The following GJB2 variants were observed in gnomAD, a reference collection of about 807,000 sequenced individuals.
The protein encoded by GJB2 is gap junction beta-2 protein.
In GJB2, 30 loss-of-function variants were observed where a neutral mutation model predicts 16.0. The ratio of observed to expected loss-of-function variants is 1.88; its 90% CI spans 1.41 to 2.55. GJB2 has a LOEUF of 2.55. GJB2 is among the 30% of genes most tolerant of loss of function. The pLI, the probability that GJB2 is intolerant of heterozygous loss-of-function variation, is 0.00. For synonymous variants in GJB2, 123 were observed against 119.1 expected (o/e 1.03, Z -0.21); for missense variants, 284 against 289.7 (o/e 0.98, Z 0.14).
Position 20,188,801 on chromosome 13 carries a change from T to C in GJB2, c.*100A>G, listed in dbSNP as rs1959053920. 1.1e-6 allele frequency: 1 copy of C among 941,860 alleles called. No individual in the cohort carries two copies. Among genetic ancestry groups the C allele is most frequent in the East Asian group, 2.5e-5 (1 of 40,768 alleles). The allele number at this position is 941,860 out of a possible 1,614,324, so 58.3% of individuals were successfully genotyped here. ...TGGTTGCATTTAAGGTCAGAATCTT[T>C]GTGTTGGGAAATGCTAGCGACTGAG... On this transcript the variant is annotated 3_prime_UTR_variant, in exon 2 of 2. Coordinates refer to ENST00000382848, the MANE Select transcript of GJB2 (RefSeq NM_004004.6).
intron 1 of GJB2, 49 bp from the exon 2 acceptor site, chr13:20,189,652 A>G (rs1566529195): frequency 7.3e-7 from 1 of 1,362,378 alleles, no homozygotes; most frequent in Admixed American, 1.7e-5. Flanking sequence ...CTAGGACAGA[A>G]CAGGGAGACT....
Position 20,189,155 on chromosome 13 carries a change from G to A in GJB2, c.427C>T (p.Arg143Trp), listed in dbSNP as rs80338948. ...WWTYTSSIFF[R>W]VIFEAAFMYV... ...ATGAAGGCGGCTTCGAAGATGACCC[G>A]GAAGAAGATGCTGCTTGTGTAGGTC... Residue 143 changes from arginine to tryptophan, a missense_variant, in exon 2 of 2, where the codon CGG (arginine) becomes TGG (tryptophan). Transcript: ENST00000382848. 167 of 1,614,088 alleles carry A rather than the reference G, an allele frequency of 1.0e-4. No individual in the cohort carries two copies. The highest frequency in any genetic ancestry group is 9.1e-4 in the African/African-American group (68 of 75,036).
At position 20,192,813 on chromosome 13, in the gene GJB2, G is replaced by A. The variant is rs1262321731; in HGVS notation, c.-53C>T. On this transcript the variant is annotated 5_prime_UTR_variant, in exon 1 of 2. Coordinates refer to ENST00000382848, the MANE Select transcript of GJB2 (RefSeq NM_004004.6). ...TCGGGAGGAAGCGCGGCGGGGCCGGGGCGGGGGTCTCGGCGTTGGGGTCTC... is the reference window on the plus strand; with the variant it reads ...TCGGGAGGAAGCGCGGCGGGGCCGGAGCGGGGGTCTCGGCGTTGGGGTCTC... 6.5e-6 allele frequency: 1 copy of A among 153,336 alleles called. No homozygotes were observed. The highest frequency in any genetic ancestry group is 1.5e-5 in the Non-Finnish European group (1 of 68,532). 9.5% of individuals were successfully genotyped at this position (153,336 alleles called of 1,614,324 possible).
chr13:20,189,156 G>A lies in GJB2; in HGVS notation c.426C>T (p.Phe142=). ...LWWTYTSSIF[F]RVIFEAAFMY... ...TGAAGGCGGCTTCGAAGATGACCCGGAAGAAGATGCTGCTTGTGTAGGTCC... is the reference window on the plus strand; with the variant it reads ...TGAAGGCGGCTTCGAAGATGACCCGAAAGAAGATGCTGCTTGTGTAGGTCC... Residue 142 remains phenylalanine (F), a synonymous_variant, in exon 2 of 2, where the codon TTC becomes TTT. Coordinates refer to ENST00000382848, the MANE Select transcript of GJB2 (RefSeq NM_004004.6). 1.2e-6 allele frequency: 2 copies of A among 1,614,132 alleles called. No individual in the cohort carries two copies. Among genetic ancestry groups the A allele is most frequent in the Non-Finnish European group, 1.7e-6 (2 of 1,180,050 alleles).
At position 20,189,425 on chromosome 13, in the gene GJB2, A is replaced by G. The variant is rs1555341986; in HGVS notation, c.157T>C (p.Cys53Arg). 3.7e-6 allele frequency: 6 copies of G among 1,612,482 alleles called. No homozygotes were observed. The highest frequency in any genetic ancestry group is 5.1e-6 in the Non-Finnish European group (6 of 1,178,580). Reference protein sequence around the residue: ...VWGDEQADFVCNTLQPGCKNV... With the variant: ...VWGDEQADFVRNTLQPGCKNV... ...TTGCAGCCTGGCTGCAGGGTGTTGC[A>G]GACAAAGTCGGCCTGCTCATCTCCC... The change falls in exon 2 of 2, where the codon TGC (cysteine) becomes CGC (arginine). Residue 53 changes from cysteine to arginine, a missense_variant. Transcript: ENST00000382848.
rs1366212399 is a variant in GJB2 at position 20,188,190 on chromosome 13, C to T, written c.*711G>A. ...TTAGGTGCTATGACCACAATGAATA[C>T]AACAGACAGCCTCTCAGCTGTGCTG... is the stretch of plus-strand genomic sequence containing the variant. On this transcript the variant is annotated 3_prime_UTR_variant, in exon 2 of 2. Transcript: ENST00000382848. The T allele has an allele frequency of 6.6e-6, 1 of 152,268 alleles. No individual in the cohort carries two copies. Among genetic ancestry groups the T allele is most frequent in the Non-Finnish European group, 1.5e-5 (1 of 68,090 alleles). 9.4% of individuals were successfully genotyped at this position (152,268 alleles called of 1,614,324 possible).
Position 20,189,281 on chromosome 13 carries a change from CAT to C in GJB2, c.299_300del (p.His100ArgfsTer14), listed in dbSNP as rs111033204. 47 of 1,613,906 alleles carry C rather than the reference CAT, an allele frequency of 2.9e-5. No homozygotes were observed. In the East Asian group the frequency reaches 9.6e-4, roughly 33 times the overall value. On this transcript the variant is annotated frameshift_variant, in exon 2 of 2. Transcript: ENST00000382848. LOFTEE classifies it high-confidence loss of function. Reference protein sequence around the residue: ...LVAMHVAYRRHEKKRKFIKGE... With the variant: ...LVAMHVAYRRXEKKRKFIKGE... ...CCCTTGATGAACTTCCTCTTCTTCT[CAT>C]GTCTCCGGTAGGCCACGTGCATGGC...
rs549344806 is a variant in GJB2 at position 20,191,716 on chromosome 13, A to G, written c.-23+1067T>C. ...ATCCTGCACCGCCTGGAGGGCTGCC[A>G]GAGGCCAGCGGAGGAGTTGGTTCAG... is the stretch of plus-strand genomic sequence containing the variant. On this transcript the variant is annotated intron_variant, in intron 1 of 1. Coordinates refer to ENST00000382848, the MANE Select transcript of GJB2 (RefSeq NM_004004.6). 2.5e-4 allele frequency among the ~76,000 whole-genome samples: 38 copies of G among 152,338 alleles called. 1 individual carries two copies. The highest frequency in any genetic ancestry group is 1.5e-5 in the Non-Finnish European group (1 of 68,026).
Position 20,187,629 on chromosome 13 carries a change from T to C in GJB2, c.*1272A>G, listed in dbSNP as rs1438421206. 1 of 152,228 alleles carries C rather than the reference T, an allele frequency of 6.6e-6. No individual in the cohort carries two copies. Among genetic ancestry groups the C allele is most frequent in the Non-Finnish European group, 1.5e-5 (1 of 68,050 alleles). 9.4% of individuals were successfully genotyped at this position (152,228 alleles called of 1,614,324 possible). A position where few individuals can be genotyped will look rare whatever the true frequency, so the allele number is the denominator to read the frequency against. On this transcript the variant is annotated 3_prime_UTR_variant, in exon 2 of 2. Coordinates refer to ENST00000382848, the MANE Select transcript of GJB2 (RefSeq NM_004004.6). ...AAATACTTACCCTCACTGAAATATG[T>C]GGAGTACCATTTTTTGGAAACCATG...
rs2137308763 is a variant in GJB2 at position 20,189,506 on chromosome 13, T to C, written c.76A>G (p.Thr26Ala). ...HSTSIGKIWL[T>A]VLFIFRIMIL... ...ATAATGCGAAAAATGAAGAGGACGG[T>C]GAGCCAGATCTTTCCAATGCTGGTG... The change falls in exon 2 of 2, where the codon ACC becomes GCC. Residue 26 changes from threonine to alanine, a missense_variant. By Grantham distance (58) the Thr-to-Ala change is moderately conservative. Coordinates refer to ENST00000382848, the MANE Select transcript of GJB2 (RefSeq NM_004004.6). 6.2e-7 allele frequency: 1 copy of C among 1,614,168 alleles called. No individual in the cohort carries two copies. Among genetic ancestry groups the C allele is most frequent in the East Asian group, 2.2e-5 (1 of 44,876 alleles).
Position 20,189,126 on chromosome 13 carries a change from G to C in GJB2, c.456C>G (p.Tyr152Ter), listed in dbSNP as rs111033420. 6.2e-7 allele frequency: 1 copy of C among 1,614,108 alleles called. No individual in the cohort carries two copies. The highest frequency in any genetic ancestry group is 1.3e-5 in the African/African-American group (1 of 75,054). The change falls in exon 2 of 2, where the codon TAC (tyrosine) becomes TAG (stop). Residue 152 changes from tyrosine (Y) to a stop codon, truncating the protein, a stop_gained. Transcript: ENST00000382848. LOFTEE classifies it high-confidence loss of function. ...FRVIFEAAFM[Y>*]VFYVMYDGFS... ...AGCCGTCGTACATGACATAGAAGAC[G>C]TACATGAAGGCGGCTTCGAAGATGA... is the stretch of plus-strand genomic sequence containing the variant.
In GJB2 at chr13:20,189,374, G is replaced by C. The variant is rs200023879; in HGVS notation, c.208C>G (p.Pro70Ala). The change falls in exon 2 of 2, where the codon CCC becomes GCC. Residue 70 changes from proline (P) to alanine (A), a missense_variant. Pro to Ala is a conservative substitution (Grantham distance 27). Coordinates refer to ENST00000382848, the MANE Select transcript of GJB2 (RefSeq NM_004004.6). The stretch of plus-strand genomic sequence containing the variant: ...GCCCATAGCCGGATGTGGGAGATGG[G>C]GAAGTAGTGATCGTAGCACACGTTC... ...CKNVCYDHYF[P>A]ISHIRLWALQ... 3.2e-5 allele frequency: 52 copies of C among 1,614,164 alleles called. No individual in the cohort carries two copies. The highest frequency in any genetic ancestry group is 6.7e-5 in the African/African-American group (5 of 75,056).
At chr13:20,191,308 T>C (rs576421690) in intron 1 of GJB2, among the ~76,000 whole-genome samples, 3 of 152,212 alleles carry the variant, frequency 2.0e-5, no homozygotes, top group African/African-American at 7.2e-5. Context: ...GTAAACTCTC[T>C]CCTGGTTTAC....
Position 20,188,933 on chromosome 13 carries a change from A to C in GJB2, c.649T>G (p.Tyr217Asp), listed in dbSNP as rs757090268. ...VTELCYLLIR[Y>D]CSGKSKKPV ...GGCTTTTTTGACTTCCCAGAACAAT[A>C]TCTAATTAGCAAATAACACAATTCA... is the stretch of plus-strand genomic sequence containing the variant. The change falls in exon 2 of 2, where the codon TAT (tyrosine) becomes GAT (aspartate). Residue 217 changes from tyrosine (Y) to aspartate (D), a missense_variant. Transcript: ENST00000382848. 1 of 1,613,458 alleles carries C rather than the reference A, an allele frequency of 6.2e-7. No homozygotes were observed. Among genetic ancestry groups the C allele is most frequent in the African/African-American group, 1.3e-5 (1 of 74,928 alleles).
chr13:20,188,917 G>C lies in GJB2; in HGVS notation c.665C>G (p.Ser222Ter). 1 of 1,613,054 alleles carries C rather than the reference G, an allele frequency of 6.2e-7. No individual in the cohort carries two copies. The highest frequency in any genetic ancestry group is 8.5e-7 in the Non-Finnish European group (1 of 1,179,862). ...YLLIRYCSGK[S>*]KKPV ...GGCAATGCGTTAAACTGGCTTTTTT[G>C]ACTTCCCAGAACAATATCTAATTAG... is the stretch of plus-strand genomic sequence containing the variant. Residue 222 changes from serine to a stop codon, truncating the protein, a stop_gained, in exon 2 of 2, where the codon TCA becomes TGA. Transcript: ENST00000382848. LOFTEE classifies it high-confidence loss of function.
In GJB2 at chr13:20,189,137, C is replaced by T. The variant is rs111033225; in HGVS notation, c.445G>A (p.Ala149Thr). 5.2e-5 allele frequency: 84 copies of T among 1,613,980 alleles called. No homozygotes were observed. The highest frequency in any genetic ancestry group is 3.3e-4 in the Middle Eastern group (2 of 6,084). ...SIFFRVIFEAAFMYVFYVMYD... is the reference protein window; with the variant it reads ...SIFFRVIFEATFMYVFYVMYD... The stretch of plus-strand genomic sequence containing the variant: ...ATGACATAGAAGACGTACATGAAGG[C>T]GGCTTCGAAGATGACCCGGAAGAAG... The change falls in exon 2 of 2, where the codon GCC becomes ACC. Residue 149 changes from alanine to threonine, a missense_variant. Physicochemically the swap from Ala to Thr is moderately conservative, Grantham distance 58. Coordinates refer to ENST00000382848, the MANE Select transcript of GJB2 (RefSeq NM_004004.6).
Position 20,189,271 on chromosome 13 carries a change from C to T in GJB2, c.311G>A (p.Arg104Lys). Residue 104 changes from arginine to lysine, a missense_variant, in exon 2 of 2, where the codon AGG (arginine) becomes AAG (lysine). Arg to Lys is a conservative substitution (Grantham distance 26). Coordinates refer to ENST00000382848, the MANE Select transcript of GJB2 (RefSeq NM_004004.6). ...CTTTATCTCCCCCTTGATGAACTTC[C>T]TCTTCTTCTCATGTCTCCGGTAGGC... ...HVAYRRHEKK[R>K]KFIKGEIKSE... 2 of 1,613,852 alleles carry T rather than the reference C, an allele frequency of 1.2e-6. No homozygotes were observed. Among genetic ancestry groups the T allele is most frequent in the South Asian group, 1.1e-5 (1 of 91,082 alleles).
In GJB2 at chr13:20,189,005, CT is replaced by C. The variant is rs747847191; in HGVS notation, c.576del (p.Val193CysfsTer3). 1.9e-6 allele frequency: 3 copies of C among 1,614,076 alleles called. No homozygotes were observed. Among genetic ancestry groups the C allele is most frequent in the Non-Finnish European group, 2.5e-6 (3 of 1,179,984 alleles). On this transcript the variant is annotated frameshift_variant, in exon 2 of 2. Coordinates refer to ENST00000382848, the MANE Select transcript of GJB2 (RefSeq NM_004004.6). LOFTEE classifies it high-confidence loss of function. ...VSRPTEKTVF[T>X]VFMIAVSGIC... ...ATTCCAGACACTGCAATCATGAACA[CT>C]GTGAAGACAGTCTTCTCCGTGGGCC... is the stretch of plus-strand genomic sequence containing the variant.
chr13:20,189,336 G>C lies in GJB2; in HGVS notation c.246C>G (p.Ile82Met), dbSNP rs781534323. The C allele has an allele frequency of 1.6e-5, 26 of 1,614,022 alleles. No homozygotes were observed. The highest frequency in any genetic ancestry group is 2.1e-5 in the Non-Finnish European group (25 of 1,180,052). Residue 82 changes from isoleucine (I) to methionine (M), a missense_variant, in exon 2 of 2, where the codon ATC (isoleucine) becomes ATG (methionine). Ile to Met is a conservative substitution (Grantham distance 10). Coordinates refer to ENST00000382848, the MANE Select transcript of GJB2 (RefSeq NM_004004.6). ...CTAGGAGCGCTGGCGTGGACACGAA[G>C]ATCAGCTGCAGGGCCCATAGCCGGA... Reference protein sequence around the residue: ...SHIRLWALQLIFVSTPALLVA... With the variant: ...SHIRLWALQLMFVSTPALLVA...
Sources: gnomAD v4.1 joint callset for allele counts (sites outside exome capture counted in the v4.1 genomes callset) on GRCh38, gnomAD v4.1.1 for gene constraint, MANE v1.5 for transcripts, NCBI Gene and HGNC (gene_info 2026-07-23, HGNC 2026-07-21) for gene names.